Variants in NOSTRIN observed in about 807,000 individuals in gnomAD.
NOSTRIN encodes nitric oxide synthase trafficking, also known as BM247 homolog.
NOSTRIN carries 63 observed loss-of-function variants against 59.0 expected under a neutral mutation model. The ratio of observed to expected loss-of-function variants is 1.07; its 90% CI spans 0.87 to 1.32. The LOEUF (loss-of-function observed/expected upper bound fraction) is 1.32. Among genes scored for constraint, NOSTRIN ranks in the 40% most tolerant of loss-of-function variants. The pLI is 0.00. For synonymous variants in NOSTRIN, 200 were observed against 165.4 expected (o/e 1.21, Z -1.61); for missense variants, 512 against 473.1 (o/e 1.08, Z -0.76).
chr2:168,862,056 A>C lies in NOSTRIN; in HGVS notation c.1384+7A>C. On this transcript the variant is annotated splice_region_variant and intron_variant, in intron 15 of 15. Coordinates refer to ENST00000317647, the MANE Select transcript of NOSTRIN (RefSeq NM_001039724.4). Reference sequence around the variant, plus strand: ...GAGTTGAATTTGGAAAAGGGTAAGAATCATTCTCAAATATTTTAATTGCCT... The same window carrying C: ...GAGTTGAATTTGGAAAAGGGTAAGACTCATTCTCAAATATTTTAATTGCCT... 6.2e-7 allele frequency: 1 copy of C among 1,612,038 alleles called. No individual in the cohort carries two copies. The highest frequency in any genetic ancestry group is 8.5e-7 in the Non-Finnish European group (1 of 1,178,096).
intron 15 of NOSTRIN, among the ~76,000 whole-genome samples, chr2:168,862,881 T>C (rs775847874): frequency 1.3e-5 from 2 of 152,212 alleles, no homozygotes; most frequent in Non-Finnish European, 2.9e-5. Flanking sequence ...GACAAGGACA[T>C]GGCTCCCAGA....
intron 15 of NOSTRIN, among the ~76,000 whole-genome samples, chr2:168,864,290 T>A (rs1407150576): frequency 3.3e-5 from 5 of 151,634 alleles, no homozygotes; most frequent in Admixed American, 2.6e-4. Context: ...ATCCTGTTTT[T>A]TTTTTTCTGA....
chr2:168,794,408 G>A (rs1353336034), upstream of NOSTRIN, among the ~76,000 whole-genome samples: 4 of 150,400 alleles, frequency 2.7e-5, no homozygotes, highest in African/African-American at 9.8e-5. Flanking sequence ...CTGGAGTGCA[G>A]TGGCACGATC....
At chr2:168,797,598 G>C (rs1266136179), upstream of NOSTRIN, among the ~76,000 whole-genome samples, 2 of 152,040 alleles carry the variant, frequency 1.3e-5, no homozygotes, top group African/African-American at 2.4e-5. Context: ...AAATCCTAGA[G>C]ATACAAAAAT....
Position 168,865,085 on chromosome 2 carries a change from C to A in NOSTRIN, c.*115C>A, listed in dbSNP as rs1689781792. ...TTTTTCTTTTGAAATGGATGGAGTT[C>A]TACCTGCATGTCACAGCACTTTGCA... On this transcript the variant is annotated 3_prime_UTR_variant, in exon 16 of 16. Transcript: ENST00000317647. 9 of 1,108,558 alleles carry A rather than the reference C, an allele frequency of 8.1e-6. No individual in the cohort carries two copies. The highest frequency in any genetic ancestry group is 1.0e-5 in the Non-Finnish European group (8 of 778,196). 68.7% of individuals were successfully genotyped at this position (1,108,558 alleles called of 1,614,324 possible).
chr2:168,812,603 A>G (rs1214414489), intron 2 of NOSTRIN, among the ~76,000 whole-genome samples: 1 of 152,198 alleles, frequency 6.6e-6, no homozygotes, highest in Non-Finnish European at 1.5e-5. Context: ...GTCATGCTTA[A>G]ATAGTATTTC....
At chr2:168,819,515 C>CAA (rs1221650152) in intron 2 of NOSTRIN, among the ~76,000 whole-genome samples, 15 of 152,216 alleles carry the variant, frequency 9.9e-5, no homozygotes, top group Non-Finnish European at 2.9e-5. Context: ...TAACCGTTAA[C>CAA]ATCTGTTGAG....
At chr2:168,794,541 C>G (rs749819304), upstream of NOSTRIN, among the ~76,000 whole-genome samples, 6 of 151,526 alleles carry the variant, frequency 4.0e-5, no homozygotes, top group Admixed American at 2.0e-4. Context: ...TTACTAGAGA[C>G]GGGGTTTCAC....
chr2:168,812,360 GCCATAAGA>G (rs897943653), intron 2 of NOSTRIN, among the ~76,000 whole-genome samples: 3 of 152,168 alleles, frequency 2.0e-5, no homozygotes, highest in Non-Finnish European at 4.4e-5. Context: ...ATGAATGTGT[GCCATAAGA>G]CCAAAGATGC....
intron 12 of NOSTRIN, among the ~76,000 whole-genome samples, chr2:168,857,419 G>T (rs1317880562): frequency 1.3e-5 from 2 of 152,106 alleles, no homozygotes; most frequent in East Asian, 3.9e-4. Context: ...GAAACCAGGA[G>T]CAACTTTGAG....
At chr2:168,855,903 CTG>C (rs1328170332) in intron 11 of NOSTRIN, 2 of 452,676 alleles carry the variant, frequency 4.4e-6, no homozygotes, top group South Asian at 3.1e-5. Context: ...GCATGTCAGA[CTG>C]TGAAGCAGCT....
rs1689810297 is a variant in NOSTRIN, at chr2:168,865,456, T to G, written c.*486T>G. ...GAGAGACAGGCAATCAAGACACCAA[T>G]GAGATCAACCCAAATTAGGGGATGG... On this transcript the variant is annotated 3_prime_UTR_variant, in exon 16 of 16. Transcript: ENST00000317647. 6.5e-6 allele frequency: 1 copy of G among 154,376 alleles called. No individual in the cohort carries two copies. Among genetic ancestry groups the G allele is most frequent in the Admixed American group, 6.4e-5 (1 of 15,672 alleles). The allele number at this position is 154,376 out of a possible 1,614,324, so 9.6% of individuals were successfully genotyped here. A position where few individuals can be genotyped will look rare whatever the true frequency, so the allele number is the denominator to read the frequency against.
chr2:168,801,356 G>A (rs780706209), upstream of NOSTRIN, among the ~76,000 whole-genome samples: 1 of 150,046 alleles, frequency 6.7e-6, no homozygotes, highest in African/African-American at 2.5e-5. Flanking sequence ...GAGTAGCTGG[G>A]ACTACAGGCA....
At chr2:168,806,503 G>T (rs933694873) in intron 1 of NOSTRIN, among the ~76,000 whole-genome samples, 1 of 152,050 alleles carries the variant, frequency 6.6e-6, no homozygotes, top group Non-Finnish European at 1.5e-5. Flanking sequence ...GCTTACAAGT[G>T]CTGGGAAGAA....
At chr2:168,863,863 A>C (rs1451023710) in intron 15 of NOSTRIN, among the ~76,000 whole-genome samples, 1 of 152,180 alleles carries the variant, frequency 6.6e-6, no homozygotes, top group African/African-American at 2.4e-5. Flanking sequence ...CTACATAGAA[A>C]TAGAAAGTGA....
intron 2 of NOSTRIN, among the ~76,000 whole-genome samples, chr2:168,813,308 G>A (rs989130234): frequency 2.6e-5 from 4 of 152,156 alleles, no homozygotes; most frequent in Non-Finnish European, 5.9e-5. Flanking sequence ...TTTGGTGTCT[G>A]AGAGTTCAAA....
At chr2:168,799,767 CAT>C (rs1298712588), upstream of NOSTRIN, among the ~76,000 whole-genome samples, 2 of 152,162 alleles carry the variant, frequency 1.3e-5, no homozygotes, top group Admixed American at 1.3e-4. Context: ...GAAAGAAAGA[CAT>C]ATACCAGCCA....
At chr2:168,859,382 G>A in intron 12 of NOSTRIN, 130 bp from the exon 13 acceptor site, 1 of 1,360,792 alleles carries the variant, frequency 7.3e-7, no homozygotes. Flanking sequence ...GGCATTTTCT[G>A]TGAATATCTG....
chr2:168,815,678 T>C (rs1203835293), intron 2 of NOSTRIN, among the ~76,000 whole-genome samples: 1 of 152,244 alleles, frequency 6.6e-6, no homozygotes, highest in Non-Finnish European at 1.5e-5. Flanking sequence ...TCATCCTGGG[T>C]GACCTTAACT....
Sources: allele counts gnomAD v4.1 joint callset (sites outside exome capture counted in the v4.1 genomes callset), GRCh38; gene constraint gnomAD v4.1.1; transcripts MANE v1.5; gene names NCBI Gene and HGNC (gene_info 2026-07-23, HGNC 2026-07-21).